The following ADGRF5 variants were observed in gnomAD, a reference collection of about 807,000 sequenced individuals.
The protein encoded by ADGRF5 is G-protein coupled receptor 116.
In ADGRF5, 75 loss-of-function variants were observed where a neutral mutation model predicts 132.3. The observed-to-expected ratio is 0.57, with a 90% confidence interval of 0.47 to 0.69. The LOEUF (loss-of-function observed/expected upper bound fraction) is 0.69. Among genes scored for constraint, ADGRF5 ranks in the 30% least tolerant of loss-of-function variants. ADGRF5 has a pLI of 0.00. For missense variants in ADGRF5, 1,516 were observed against 1,630.6 expected (o/e 0.93, Z 1.21); for synonymous variants, 629 against 597.6 (o/e 1.05, Z -0.77).
intron 6 of ADGRF5, among the ~76,000 whole-genome samples, chr6:46,882,950 T>C (rs1772643687): frequency 1.3e-5 from 2 of 152,178 alleles, no homozygotes; most frequent in Admixed American, 1.3e-4. Flanking sequence ...TCAGCCCACC[T>C]GTAATAATCT....
intron 8 of ADGRF5, 97 bp downstream of exon 8, chr6:46,881,358 G>A: frequency 9.6e-7 from 1 of 1,039,214 alleles, no homozygotes; most frequent in Non-Finnish European, 1.5e-6. Context: ...AGGAACTGGA[G>A]TGTCTAGCTT....
chr6:46,933,186 G>C (rs1777648977), intron 1 of ADGRF5, among the ~76,000 whole-genome samples: 1 of 152,184 alleles, frequency 6.6e-6, no homozygotes. Context: ...AGTGAGCTTA[G>C]GGGAACTAAA....
chr6:46,953,665 A>ATATATATATATATATATATG (rs1778601782), intron 1 of ADGRF5, among the ~76,000 whole-genome samples: 2 of 131,424 alleles, frequency 1.5e-5, no homozygotes, highest in Non-Finnish European at 3.2e-5. Flanking sequence ...ATATATATAT[A>ATATATATATATATATATATG]TATATATATA....
At chr6:46,926,999 C>A (rs760400098) in intron 1 of ADGRF5, among the ~76,000 whole-genome samples, 1 of 152,110 alleles carries the variant, frequency 6.6e-6, no homozygotes, top group Non-Finnish European at 1.5e-5. Flanking sequence ...GCAGTAACAG[C>A]GAGGCTGATC....
intron 8 of ADGRF5, 98 bp from the exon 9 acceptor site, chr6:46,880,137 G>T: frequency 3.7e-6 from 3 of 806,842 alleles, no homozygotes; most frequent in South Asian, 3.2e-5. Flanking sequence ...TGGAGATCTT[G>T]ACAGCATCTG....
chr6:46,943,722 A>T (rs896561847), intron 1 of ADGRF5, among the ~76,000 whole-genome samples: 1 of 152,226 alleles, frequency 6.6e-6, no homozygotes, highest in African/African-American at 2.4e-5. Context: ...AGTCTAGCAA[A>T]TTGAAAAATT....
At chr6:46,936,856 CCCG>C (rs1284912387) in intron 1 of ADGRF5, among the ~76,000 whole-genome samples, 1 of 152,114 alleles carries the variant, frequency 6.6e-6, no homozygotes, top group Non-Finnish European at 1.5e-5. Flanking sequence ...GCATTTTCTC[CCCG>C]CCAACTCCTT....
chr6:46,936,654 G>A (rs984893678), intron 1 of ADGRF5, among the ~76,000 whole-genome samples: 1 of 152,166 alleles, frequency 6.6e-6, no homozygotes, highest in African/African-American at 2.4e-5. Context: ...TGTCCCCTAG[G>A]AGTCTGCACT....
In ADGRF5 at chr6:46,859,110, AT is replaced by A. The variant is rs1360273863; in HGVS notation, c.2792del (p.Asn931IlefsTer10). ...TTGAAATCCTGAATGGCATAGTTGT[AT>A]TGTGGCTGACAGTGGTTGTCATCAC... ...SLVMTTTVSH[N>X]TTMPFRISMT... On this transcript the variant is annotated frameshift_variant, in exon 17 of 21. Transcript: ENST00000283296. LOFTEE classifies it high-confidence loss of function. 6.2e-7 allele frequency: 1 copy of A among 1,613,900 alleles called. No homozygotes were observed. The highest frequency in any genetic ancestry group is 8.5e-7 in the Non-Finnish European group (1 of 1,179,868).
intron 3 of ADGRF5, among the ~76,000 whole-genome samples, chr6:46,892,668 C>A (rs190433802): frequency 6.6e-6 from 1 of 151,984 alleles, no homozygotes; most frequent in Non-Finnish European, 1.5e-5. Flanking sequence ...GAGAATCACA[C>A]GAACCCTGGA....
chr6:46,859,783 T>C lies in ADGRF5; in HGVS notation c.2380-260A>G, dbSNP rs1426694847. ...CACACCCACTACACACCCTACTCTCTAAGGCCAATTCAGCAGGCTGGCAGG... is the reference window on the plus strand; with the variant it reads ...CACACCCACTACACACCCTACTCTCCAAGGCCAATTCAGCAGGCTGGCAGG... On this transcript the variant is annotated intron_variant, in intron 16 of 20. Transcript: ENST00000283296. Among the ~76,000 whole-genome samples the C allele has an allele frequency of 2.6e-5, 4 of 150,978 alleles. No individual in the cohort carries two copies. In the Admixed American group the frequency reaches 2.7e-4, roughly 10 times the overall value.
intron 1 of ADGRF5, among the ~76,000 whole-genome samples, chr6:46,938,972 G>A (rs1185945469): frequency 1.3e-5 from 2 of 151,846 alleles, no homozygotes. Context: ...CTGAGTTCAA[G>A]TGATGTTCCT....
At chr6:46,870,853 A>T (rs1184240894) in intron 11 of ADGRF5, 1 of 447,994 alleles carries the variant, frequency 2.2e-6, no homozygotes, top group South Asian at 1.6e-5. Flanking sequence ...AGAGCTCATG[A>T]GTATTTTGAG....
rs765350305 is a variant in ADGRF5 at position 46,889,568 on chromosome 6, G to GTATA, written c.158-1067_158-1064dup. ...TATATATATATGTGTGTGTGTGTGTGTATATATATATATATATATATATAT... is the reference window on the plus strand; with the variant it reads ...TATATATATATGTGTGTGTGTGTGTGTATATATATATATATATATATATATATAT... On this transcript the variant is annotated intron_variant, in intron 3 of 20. Coordinates refer to ENST00000283296, the MANE Select transcript of ADGRF5 (RefSeq NM_001098518.2). Among the ~76,000 whole-genome samples, 98 of 77,810 alleles carry GTATA rather than the reference G, an allele frequency of 1.3e-3. 1 individual carries two copies. Among genetic ancestry groups the GTATA allele is most frequent in the South Asian group, 6.9e-3 (17 of 2,480 alleles). 51.0% of individuals were successfully genotyped at this position (77,810 alleles called of 152,430 possible).
At chr6:46,874,940 A>G (rs1307200546) in intron 10 of ADGRF5, among the ~76,000 whole-genome samples, 1 of 152,216 alleles carries the variant, frequency 6.6e-6, no homozygotes, top group South Asian at 2.1e-4. Context: ...ATGCTGCTAC[A>G]TATCCTACAA....
chr6:46,878,135 A>ATC, intron 10 of ADGRF5, 67 bp downstream of exon 10: 1 of 972,908 alleles, frequency 1.0e-6, no homozygotes, highest in Non-Finnish European at 1.7e-6. Flanking sequence ...CATACGCCAC[A>ATC]TCTCCCATTT....
At chr6:46,944,510 CA>C (rs1462744324) in intron 1 of ADGRF5, among the ~76,000 whole-genome samples, 1 of 152,180 alleles carries the variant, frequency 6.6e-6, no homozygotes, top group Non-Finnish European at 1.5e-5. Context: ...TCTTCCTACA[CA>C]CACAGGTTCC....
chr6:46,934,717 C>T (rs976411115), intron 1 of ADGRF5, among the ~76,000 whole-genome samples: 2 of 152,168 alleles, frequency 1.3e-5, no homozygotes, highest in Non-Finnish European at 2.9e-5. Flanking sequence ...GCAAACTCAA[C>T]AGTCCCAAAC....
Position 46,941,803 on chromosome 6 carries a change from C to A in ADGRF5, c.-25+12931G>T, listed in dbSNP as rs575118087. Among the ~76,000 whole-genome samples the A allele has an allele frequency of 2.0e-5, 3 of 152,260 alleles. No homozygotes were observed. The South Asian group carries it at 6.2e-4, about 32-fold the overall frequency. ...CATCTGTGGGCCATCTCTTCTCTCC[C>A]CACACATAATTATCTTCAGCCGAGA... On this transcript the variant is annotated intron_variant, in intron 1 of 20. Transcript: ENST00000265417.
Sources: gnomAD v4.1 joint callset for allele counts (sites outside exome capture counted in the v4.1 genomes callset) on GRCh38, gnomAD v4.1.1 for gene constraint, MANE v1.5 for transcripts, NCBI Gene and HGNC (gene_info 2026-07-23, HGNC 2026-07-21) for gene names.